The following TNPO3 variants were observed in gnomAD, a reference collection of about 807,000 sequenced individuals.
The protein encoded by TNPO3 is transportin 3.
Under a neutral mutation model 122.8 loss-of-function variants are expected in TNPO3, and 65 were observed. The observed-to-expected ratio is 0.53, with a 90% CI of 0.43 to 0.65. TNPO3 has a LOEUF of 0.65. Among genes scored for constraint, TNPO3 ranks in the 30% least tolerant of loss-of-function variants. The pLI is 0.00. For missense variants in TNPO3, 850 were observed against 1,136.7 expected (o/e 0.75, Z 3.63); for synonymous variants, 372 against 411.2 (o/e 0.90, Z 1.15).
intron 1 of TNPO3, among the ~76,000 whole-genome samples, chr7:129,026,394 A>ATTTT (rs969403916): frequency 4.8e-4 from 45 of 94,666 alleles, no homozygotes; most frequent in Admixed American, 1.1e-3. Context: ...TGACGTTTGA[A>ATTTT]TTTTTTTTTT....
intron 8 of TNPO3, among the ~76,000 whole-genome samples, chr7:128,994,754 G>A (rs1341660843): frequency 2.6e-5 from 4 of 152,054 alleles, no homozygotes; most frequent in Admixed American, 2.6e-4. Context: ...GACCTCCTGG[G>A]CTTAAGCAAT....
chr7:129,042,568 A>G (rs745474501), intron 1 of TNPO3, among the ~76,000 whole-genome samples: 17 of 152,188 alleles, frequency 1.1e-4, no homozygotes, highest in Admixed American at 1.3e-4. Context: ...GTCATCAACT[A>G]CCTTAACTTC....
Position 128,970,189 on chromosome 7 carries a change from C to T in TNPO3, c.2557G>A (p.Val853Met). Reference protein sequence around the residue: ...FCLPPYTLPDVAEVLWEIMQV... With the variant: ...FCLPPYTLPDMAEVLWEIMQV... ...ATGATCTCCCAGAGCACTTCAGCCA[C>T]ATCTGGTAGGGTATAGGGGGGGAGG... Residue 853 changes from valine to methionine, a missense_variant, in exon 20 of 23, where the codon GTG (valine) becomes ATG (methionine). Coordinates refer to ENST00000265388, the MANE Select transcript of TNPO3 (RefSeq NM_012470.4). The T allele has an allele frequency of 6.2e-7, 1 of 1,614,200 alleles. No homozygotes were observed. Among genetic ancestry groups the T allele is most frequent in the Non-Finnish European group, 8.5e-7 (1 of 1,180,030 alleles).
intron 10 of TNPO3, 115 bp from the exon 11 acceptor site, chr7:128,990,215 TA>T (rs771419294): frequency 2.6e-6 from 3 of 1,154,168 alleles, no homozygotes; most frequent in Non-Finnish European, 3.9e-6. Context: ...AAACAACCAT[TA>T]AGATAAAAGT....
chr7:128,984,352 C>T (rs1179642531), intron 12 of TNPO3, 93 bp from the exon 13 acceptor site: 2 of 742,600 alleles, frequency 2.7e-6, no homozygotes, highest in South Asian at 3.9e-5. Flanking sequence ...AAAAAGCGAA[C>T]TGGTTTGGTT....
At position 128,957,112 on chromosome 7, in the gene TNPO3, T is replaced by C. The variant is rs1481340030; in HGVS notation, c.*31+112A>G. 67 of 916,622 alleles carry C rather than the reference T, an allele frequency of 7.3e-5. No homozygotes were observed. The East Asian group carries it at 1.6e-3, about 21-fold the overall frequency. 56.8% of individuals were successfully genotyped at this position (916,622 alleles called of 1,614,324 possible). On this transcript the variant is annotated intron_variant, in intron 22 of 22. Coordinates refer to ENST00000265388, the MANE Select transcript of TNPO3 (RefSeq NM_012470.4). ...ACAGTTAAACTGCTGAGTCCTTCCC[T>C]GACTCTAGCTATAAGACTGGTCCCA...
intron 1 of TNPO3, among the ~76,000 whole-genome samples, chr7:129,027,695 AG>A (rs1393507724): frequency 6.6e-6 from 1 of 151,820 alleles, no homozygotes; most frequent in Non-Finnish European, 1.5e-5. Flanking sequence ...ATGGAAGAGC[AG>A]AGAGTTCAGT....
intron 4 of TNPO3, among the ~76,000 whole-genome samples, chr7:129,005,928 C>T (rs1185025216): frequency 1.3e-5 from 2 of 151,764 alleles, no homozygotes; most frequent in Admixed American, 6.6e-5. Flanking sequence ...ATTACAGATG[C>T]ACATCACCAT....
chr7:129,053,141 T>C (rs749345842), intron 1 of TNPO3, among the ~76,000 whole-genome samples: 12 of 152,052 alleles, frequency 7.9e-5, no homozygotes, highest in Non-Finnish European at 1.8e-4. Flanking sequence ...CTGGCCAACA[T>C]GGCGAAACCC....
chr7:129,015,678 T>C (rs987691374), intron 3 of TNPO3, among the ~76,000 whole-genome samples: 1 of 151,768 alleles, frequency 6.6e-6, no homozygotes, highest in African/African-American at 2.4e-5. Context: ...ATTCAAAATT[T>C]TTTAATCAGC....
At chr7:129,052,070 T>G (rs2150575502) in intron 1 of TNPO3, among the ~76,000 whole-genome samples, 1 of 152,348 alleles carries the variant, frequency 6.6e-6, no homozygotes, top group South Asian at 2.1e-4. Context: ...ATCCAGATGC[T>G]GAAGTTGCCT....
intron 1 of TNPO3, among the ~76,000 whole-genome samples, chr7:129,050,267 C>CCAG (rs1002856174): frequency 6.6e-6 from 1 of 151,098 alleles, no homozygotes; most frequent in Admixed American, 6.6e-5. Flanking sequence ...ACCTGTAGTC[C>CCAG]CAGCTACTCT....
intron 17 of TNPO3, 106 bp downstream of exon 17, chr7:128,975,713 G>C: frequency 2.7e-6 from 2 of 736,492 alleles, no homozygotes; most frequent in Non-Finnish European, 4.7e-6. Flanking sequence ...CATGCCTGGG[G>C]GAAAACATAA....
intron 1 of TNPO3, among the ~76,000 whole-genome samples, chr7:129,053,561 T>G (rs947927171): frequency 1.3e-5 from 2 of 151,214 alleles, no homozygotes; most frequent in African/African-American, 4.9e-5. Context: ...AAGTCAAAGT[T>G]GCAAATTTTT....
chr7:128,983,355 C>T (rs887123256), intron 13 of TNPO3, among the ~76,000 whole-genome samples: 4 of 152,086 alleles, frequency 2.6e-5, no homozygotes, highest in East Asian at 1.9e-4. Flanking sequence ...TACAAGTGTG[C>T]GTCACCACAC....
chr7:128,962,371 CAAA>C (rs11287209), intron 21 of TNPO3, among the ~76,000 whole-genome samples: 70 of 102,202 alleles, frequency 6.8e-4, no homozygotes, highest in Non-Finnish European at 8.1e-4. Flanking sequence ...GACTCCGTCT[CAAA>C]AAAAAAAAAA....
rs1056200921 is a variant in TNPO3, at chr7:129,000,736, T to C, written c.873-169A>G. On this transcript the variant is annotated intron_variant, in intron 6 of 22. Transcript: ENST00000265388. ...ATGACAGACACCTTTACCTAGATCG[T>C]ACACTCCTACGCAAGTGACTTGTCA... 1.6e-4 allele frequency among the ~76,000 whole-genome samples: 25 copies of C among 152,234 alleles called. 1 individual carries two copies. Among genetic ancestry groups the C allele is most frequent in the African/African-American group, 5.8e-4 (24 of 41,464 alleles).
chr7:128,965,562 T>C (rs1239191162), intron 21 of TNPO3, among the ~76,000 whole-genome samples: 1 of 152,138 alleles, frequency 6.6e-6, no homozygotes, highest in Non-Finnish European at 1.5e-5. Flanking sequence ...GAAGATTAAA[T>C]AGAATCACCA....
chr7:128,973,133 A>G (rs1798662151), intron 18 of TNPO3, among the ~76,000 whole-genome samples: 1 of 152,236 alleles, frequency 6.6e-6, no homozygotes, highest in Admixed American at 6.5e-5. Flanking sequence ...CTCCTAGGTT[A>G]AAAAGTCCTA....
Sources: gnomAD v4.1 joint callset for allele counts (sites outside exome capture counted in the v4.1 genomes callset) on GRCh38, gnomAD v4.1.1 for gene constraint, MANE v1.5 for transcripts, NCBI Gene and HGNC (gene_info 2026-07-23, HGNC 2026-07-21) for gene names.